Variants in CFAP97D2 observed in about 807,000 individuals in gnomAD.
CFAP97D2 encodes the protein uncharacterized protein CFAP97D2.
intron 3 of CFAP97D2, among the ~76,000 whole-genome samples, chr13:114,208,270 G>A (rs2080950380): frequency 1.3e-5 from 2 of 152,218 alleles, no homozygotes; most frequent in Admixed American, 6.5e-5. Flanking sequence ...TATCGTTGTT[G>A]CTATTAGCTT....
At position 114,185,488 on chromosome 13, in the gene CFAP97D2, A is replaced by G. The variant is rs1300336735; in HGVS notation, c.90+6068A>G. On this transcript the variant is annotated intron_variant, in intron 1 of 4. Coordinates refer to ENST00000646158, the Ensembl canonical transcript of CFAP97D2. The surrounding 1 kb of genome is among the most constrained non-coding windows in gnomAD (Gnocchi z 5.2). ...GGAGCCCCACCCCTTCTGAGTTGGCATGTCAGGAGCTCCCTGGGTACAGCT... is the reference window on the plus strand; with the variant it reads ...GGAGCCCCACCCCTTCTGAGTTGGCGTGTCAGGAGCTCCCTGGGTACAGCT... Among the ~76,000 whole-genome samples, 1 of 152,124 alleles carries G rather than the reference A, an allele frequency of 6.6e-6. No individual in the cohort carries two copies. The highest frequency in any genetic ancestry group is 1.5e-5 in the Non-Finnish European group (1 of 68,018).
rs564814980 is a variant in CFAP97D2 at position 114,183,270 on chromosome 13, G to A, written c.90+3850G>A. ...CAACCTCTGCCTCCCGGGTTCCAGC[G>A]ATTCTCCTGCCTCAGCCTCCCAAGT... On this transcript the variant is annotated intron_variant, in intron 1 of 4. Transcript: ENST00000646158. Among the ~76,000 whole-genome samples the A allele has an allele frequency of 1.2e-4, 19 of 152,210 alleles. 1 individual carries two copies. The highest frequency in any genetic ancestry group is 1.2e-3 in the East Asian group (6 of 5,184).
chr13:114,185,568 A>G lies in CFAP97D2; in HGVS notation c.90+6148A>G, dbSNP rs1347559387. ...GGCATGTGTGTGGTTCTGCACTCTC[A>G]GGAGCCCAGGAAGGCCCCCTGTCTC... On this transcript the variant is annotated intron_variant, in intron 1 of 4. Coordinates refer to ENST00000646158, the Ensembl canonical transcript of CFAP97D2. This position sits in a 1 kb window ranked among gnomAD's most constrained non-coding sequence, Gnocchi z 5.2. Among the ~76,000 whole-genome samples, 1 of 152,182 alleles carries G rather than the reference A, an allele frequency of 6.6e-6. No individual in the cohort carries two copies. The highest frequency in any genetic ancestry group is 6.5e-5 in the Admixed American group (1 of 15,282).
chr13:114,182,409 G>A (rs914753151), intron 1 of CFAP97D2, among the ~76,000 whole-genome samples: 11 of 152,022 alleles, frequency 7.2e-5, no homozygotes, highest in African/African-American at 1.9e-4. Context: ...CCCAGGGGCA[G>A]GCAGGAGACA....
chr13:114,188,815 A>T (rs955275530), intron 1 of CFAP97D2, among the ~76,000 whole-genome samples: 3 of 150,754 alleles, frequency 2.0e-5, no homozygotes, highest in Non-Finnish European at 4.4e-5. Flanking sequence ...AGAAAAACAA[A>T]CCCAAAGTTA....
intron 3 of CFAP97D2, among the ~76,000 whole-genome samples, chr13:114,201,122 T>C (rs1187856241): frequency 2.6e-5 from 4 of 152,172 alleles, no homozygotes; most frequent in South Asian, 2.1e-4. Context: ...AATCACCTTA[T>C]AAATGCTTGA....
intron 1 of CFAP97D2, among the ~76,000 whole-genome samples, chr13:114,181,805 G>A (rs1326357701): frequency 6.6e-6 from 1 of 152,072 alleles, no homozygotes; most frequent in Non-Finnish European, 1.5e-5. Context: ...TGCCCTCCTA[G>A]AATAGGGGCC....
At chr13:114,200,503 G>A (rs551131268) in intron 3 of CFAP97D2, 60 bp downstream of exon 3, 14 of 397,846 alleles carry the variant, frequency 3.5e-5, no homozygotes, top group African/African-American at 2.7e-4. Context: ...TGCTGGGAAG[G>A]GGTTGGGGAT....
rs375143854 is a variant in CFAP97D2, at chr13:114,199,524, A to G, written c.172-801A>G. On this transcript the variant is annotated intron_variant, in intron 2 of 4. Transcript: ENST00000646158. ...GCGCGTCCCCGTGGGTACGGTCCCCACTGAGGCGTGACGGCGCGTCCCCGT... is the reference window on the plus strand; with the variant it reads ...GCGCGTCCCCGTGGGTACGGTCCCCGCTGAGGCGTGACGGCGCGTCCCCGT... Among the ~76,000 whole-genome samples, 11 of 9,754 alleles carry G rather than the reference A, an allele frequency of 1.1e-3. 1 individual carries two copies. The highest frequency in any genetic ancestry group is 6.8e-3 in the East Asian group (1 of 148). The allele number at this position is 9,754 out of a possible 152,430, so 6.4% of individuals were successfully genotyped here. A position where few individuals can be genotyped will look rare whatever the true frequency, so the allele number is the denominator to read the frequency against.
rs1204004073 is a variant in CFAP97D2, at chr13:114,211,837, G to A, written c.291-75G>A. ...CCCCGGGACCCCTTCCTGCTCTGGA[G>A]CCTGTTGGCCCTGTGGAGGGAATGG... On this transcript the variant is annotated intron_variant, in intron 3 of 4. Coordinates refer to ENST00000646158, the Ensembl canonical transcript of CFAP97D2. This position sits in a 1 kb window ranked among gnomAD's most constrained non-coding sequence, Gnocchi z 4.2. The A allele has an allele frequency of 3.0e-5, 12 of 398,066 alleles. No homozygotes were observed. The highest frequency in any genetic ancestry group is 5.3e-5 in the Non-Finnish European group (12 of 226,104). The allele number at this position is 398,066 out of a possible 1,614,324, so 24.7% of individuals were successfully genotyped here. A position where few individuals can be genotyped will look rare whatever the true frequency, so the allele number is the denominator to read the frequency against.
At chr13:114,190,754 T>C (rs2080866574) in intron 1 of CFAP97D2, among the ~76,000 whole-genome samples, 1 of 152,246 alleles carries the variant, frequency 6.6e-6, no homozygotes, top group Admixed American at 6.5e-5. Flanking sequence ...CAGCAAGTTG[T>C]TTTGTTGATA....
chr13:114,190,830 A>C (rs1187821254), intron 1 of CFAP97D2, among the ~76,000 whole-genome samples: 1 of 152,246 alleles, frequency 6.6e-6, no homozygotes, highest in African/African-American at 2.4e-5. Flanking sequence ...TTTAATATTG[A>C]AGGAAAAGAA....
At chr13:114,209,696 A>G (rs1017581831) in intron 3 of CFAP97D2, among the ~76,000 whole-genome samples, 1 of 152,212 alleles carries the variant, frequency 6.6e-6, no homozygotes, top group African/African-American at 2.4e-5. Flanking sequence ...CCAAGCAGCC[A>G]AAGTCATCAT....
intron 1 of CFAP97D2, among the ~76,000 whole-genome samples, chr13:114,180,193 T>C (rs2138743473): frequency 6.6e-6 from 1 of 152,236 alleles, no homozygotes; most frequent in Non-Finnish European, 1.5e-5. Flanking sequence ...AGGCTGGAAA[T>C]ACTCTTAAGA....
At position 114,199,329 on chromosome 13, in the gene CFAP97D2, A is replaced by G. The variant is rs78344187; in HGVS notation, c.172-996A>G. ...GCGCGTCCCCGTGGGTACGGTCCCC[A>G]CTGAGGCGTGACGGCGCGTCCCCGT... is the stretch of plus-strand genomic sequence containing the variant. On this transcript the variant is annotated intron_variant, in intron 2 of 4. Coordinates refer to ENST00000646158, the Ensembl canonical transcript of CFAP97D2. 0.011 allele frequency among the ~76,000 whole-genome samples: 139 copies of G among 12,832 alleles called. No individual in the cohort carries two copies. The East Asian group carries it at 0.11, about 10-fold the overall frequency. 8.4% of individuals were successfully genotyped at this position (12,832 alleles called of 152,430 possible). A position where few individuals can be genotyped will look rare whatever the true frequency, so the allele number is the denominator to read the frequency against.
In CFAP97D2 at chr13:114,203,010, G is replaced by A. The variant is rs556493313; in HGVS notation, c.290+2567G>A. Among the ~76,000 whole-genome samples the A allele has an allele frequency of 2.6e-5, 4 of 152,272 alleles. No individual in the cohort carries two copies. Among genetic ancestry groups the A allele is most frequent in the African/African-American group, 7.2e-5 (3 of 41,550 alleles). On this transcript the variant is annotated intron_variant, in intron 3 of 4. Coordinates refer to ENST00000646158, the Ensembl canonical transcript of CFAP97D2. The surrounding 1 kb of genome is among the most constrained non-coding windows in gnomAD (Gnocchi z 4.3). The stretch of plus-strand genomic sequence containing the variant: ...TGCCCAGAGGAAGAAGCAGACCCTC[G>A]TAACAGCTCCCATTCTCTTCCCAAA...
Position 114,207,785 on chromosome 13 carries a change from T to A in CFAP97D2, c.291-4127T>A, listed in dbSNP as rs1415023757. On this transcript the variant is annotated intron_variant, in intron 3 of 4. Coordinates refer to ENST00000646158, the Ensembl canonical transcript of CFAP97D2. This position sits in a 1 kb window ranked among gnomAD's most constrained non-coding sequence, Gnocchi z 4.9. ...TGTTCTTTGCTTGTAAATGTTCTCA[T>A]GTAGCCAACTAGACTTTGTCACCAC... is the stretch of plus-strand genomic sequence containing the variant. 1.3e-5 allele frequency among the ~76,000 whole-genome samples: 2 copies of A among 152,246 alleles called. No individual in the cohort carries two copies. The highest frequency in any genetic ancestry group is 2.4e-5 in the African/African-American group (1 of 41,462).
chr13:114,200,505 G>T (rs1232622058), intron 3 of CFAP97D2, 62 bp downstream of exon 3: 1 of 397,736 alleles, frequency 2.5e-6, no homozygotes, highest in African/African-American at 2.1e-5. Context: ...CTGGGAAGGG[G>T]TTGGGGATGA....
chr13:114,183,923 G>A (rs1013421351), intron 1 of CFAP97D2, among the ~76,000 whole-genome samples: 3 of 152,244 alleles, frequency 2.0e-5, no homozygotes, highest in Non-Finnish European at 2.9e-5. Context: ...CAAGGCAGGA[G>A]GATTGCTTGA....
Sources: gnomAD v4.1 joint callset for allele counts (sites outside exome capture counted in the v4.1 genomes callset) on GRCh38, gnomAD v4.1.1 for gene constraint, Gnocchi (gnomAD v3.1) non-coding constraint, MANE v1.5 for transcripts, NCBI Gene and HGNC (gene_info 2026-07-23, HGNC 2026-07-21) for gene names.